The following MYO7B variants were observed in gnomAD, a reference collection of about 807,000 sequenced individuals.
The protein encoded by MYO7B is unconventional myosin-VIIb.
Under a neutral mutation model 259.7 loss-of-function variants are expected in MYO7B, and 212 were observed. The observed-to-expected ratio is 0.82, with a 90% confidence interval of 0.73 to 0.91. MYO7B has a LOEUF of 0.91. Ranked by LOEUF, MYO7B falls within the 40% of genes least tolerant of loss-of-function variation. The pLI is 0.00. For missense variants in MYO7B, 2,732 were observed against 2,813.5 expected (o/e 0.97, Z 0.66); for synonymous variants, 1,197 against 1,166.4 (o/e 1.03, Z -0.54).
Position 127,607,115 on chromosome 2 carries a change from C to T in MYO7B, c.2425-91C>T. 2 of 1,238,518 alleles carry T rather than the reference C, an allele frequency of 1.6e-6. No individual in the cohort carries two copies. Among genetic ancestry groups the T allele is most frequent in the Non-Finnish European group, 1.1e-6 (1 of 900,654 alleles). 76.7% of individuals were successfully genotyped at this position (1,238,518 alleles called of 1,614,324 possible). The stretch of plus-strand genomic sequence containing the variant: ...TGCCAAAACAAAACTAACTGTAAAT[C>T]TATCTTGCACTGCCTCCTGGGGAGC... On this transcript the variant is annotated intron_variant, in intron 20 of 47. Transcript: ENST00000409816. This position sits in a 1 kb window ranked among gnomAD's most constrained non-coding sequence, Gnocchi z 4.4.
rs546486443 is a variant in MYO7B at position 127,604,255 on chromosome 2, T to C, written c.2340-1589T>C. 7.9e-5 allele frequency among the ~76,000 whole-genome samples: 12 copies of C among 152,382 alleles called. No individual in the cohort carries two copies. The South Asian group carries it at 2.3e-3, about 29-fold the overall frequency. ...CTTGCTGCTTCACCTTGCACTTTTA[T>C]GTTATAGAAGTGGCTTCTTTCCTTA... On this transcript the variant is annotated intron_variant, in intron 19 of 47. Transcript: ENST00000409816.
At chr2:127,606,641 G>A (rs943113978) in intron 20 of MYO7B, among the ~76,000 whole-genome samples, 1 of 152,374 alleles carries the variant, frequency 6.6e-6, no homozygotes, top group Admixed American at 6.5e-5. Context: ...TTGGGGTTTA[G>A]ATGAGGGGCT....
chr2:127,626,889 C>A, intron 31 of MYO7B, 86 bp from the exon 32 acceptor site: 1 of 1,234,492 alleles, frequency 8.1e-7, no homozygotes, highest in South Asian at 1.4e-5. Flanking sequence ...TCAGAAGGAT[C>A]CATCAACTCT....
Position 127,607,260 on chromosome 2 carries a change from A to G in MYO7B, c.2479A>G (p.Arg827Gly), listed in dbSNP as rs1680191342. ...QAIARSQPLA[R>G]QYQAMRQRTV... is the part of the protein sequence containing the mutation. ...TATTGCCCGGAGCCAGCCGCTGGCG[A>G]GGCAGTACCAGGCCATGCGGCAGAG... Residue 827 changes from arginine (R) to glycine (G), a missense_variant, in exon 21 of 48, where the codon AGG becomes GGG. Transcript: ENST00000409816. This position sits in a 1 kb window ranked among gnomAD's most constrained non-coding sequence, Gnocchi z 4.4. The G allele has an allele frequency of 6.4e-7, 1 of 1,550,886 alleles. No individual in the cohort carries two copies. The highest frequency in any genetic ancestry group is 8.7e-7 in the Non-Finnish European group (1 of 1,147,018).
intron 37 of MYO7B, 92 bp downstream of exon 37, chr2:127,631,455 G>A (rs558687471): frequency 1.3e-6 from 2 of 1,543,602 alleles, no homozygotes; most frequent in African/African-American, 2.7e-5. Flanking sequence ...TCTAGGGCAG[G>A]AGAGCCCAGG....
intron 4 of MYO7B, among the ~76,000 whole-genome samples, chr2:127,565,894 G>C (rs1678318331): frequency 6.6e-6 from 1 of 152,236 alleles, no homozygotes; most frequent in Non-Finnish European, 1.5e-5. Context: ...TCCAGGGGAG[G>C]TGGTATTCCA....
chr2:127,543,509 T>C (rs142601891), intron 1 of MYO7B, among the ~76,000 whole-genome samples: 3,916 of 152,188 alleles, frequency 0.026, 59 homozygotes, highest in Non-Finnish European at 0.036. Flanking sequence ...TCTTTCTACA[T>C]AGACACAGTA....
At position 127,631,219 on chromosome 2, in the gene MYO7B, G is replaced by A. The variant is rs142758251; in HGVS notation, c.4951G>A (p.Asp1651Asn). The part of the protein sequence containing the change: ...SYEFFRAPEK[D>N]MVSMAVLPLA... ...CTAACCTCACAGGGCTCCAGAGAAG[G>A]ACATGGTGAGCATGGCCGTGCTGCC... Residue 1651 changes from aspartate to asparagine, a missense_variant, in exon 37 of 48, where the codon GAC becomes AAC. Transcript: ENST00000409816. 1.0e-3 allele frequency: 1,634 copies of A among 1,604,686 alleles called. 14 individuals carry two copies. The African/African-American group carries it at 0.018, about 18-fold the overall frequency.
rs532794430 is a variant in MYO7B, at chr2:127,576,234, C to T, written c.736-361C>T. On this transcript the variant is annotated intron_variant, in intron 7 of 47. Transcript: ENST00000409816. This position sits in a 1 kb window ranked among gnomAD's most constrained non-coding sequence, Gnocchi z 4.9. ...AAAATACTGAAGGCCTAGGGAGCCC[C>T]GTGGCTGTCAGATCTCTCGTGGGCC... Among the ~76,000 whole-genome samples, 1 of 152,124 alleles carries T rather than the reference C, an allele frequency of 6.6e-6. No individual in the cohort carries two copies. The highest frequency in any genetic ancestry group is 1.9e-4 in the East Asian group (1 of 5,178).
Position 127,624,169 on chromosome 2 carries a change from G to C in MYO7B, c.3896G>C (p.Gly1299Ala). Residue 1299 changes from glycine (G) to alanine (A), a missense_variant, in exon 30 of 48, where the codon GGC (glycine) becomes GCC (alanine). Physicochemically the swap from Gly to Ala is moderately conservative, Grantham distance 60. This residue lies in a region of MYO7B where 1,906 missense variants were observed against 2,026.4 expected (regional missense o/e 0.94). Transcript: ENST00000409816. ...ARCEQMAQER[G>A]ESQRQSPWRI... ...TGTGAGCAGATGGCCCAGGAGAGGG[G>C]CGAGAGCCAGCGCCAGTCACCCTGG... 6.3e-7 allele frequency: 1 copy of C among 1,596,504 alleles called. No homozygotes were observed.
At chr2:127,604,591 A>G (rs1214148071) in intron 19 of MYO7B, among the ~76,000 whole-genome samples, 2 of 152,216 alleles carry the variant, frequency 1.3e-5, no homozygotes, top group Admixed American at 6.5e-5. Context: ...GGCCTGTCTC[A>G]GTTTTGGACG....
Position 127,615,065 on chromosome 2 carries a change from A to G in MYO7B, c.3398+2462A>G, listed in dbSNP as rs1680518610. On this transcript the variant is annotated intron_variant, in intron 26 of 47. Transcript: ENST00000409816. This position sits in a 1 kb window ranked among gnomAD's most constrained non-coding sequence, Gnocchi z 4.4. ...ACATGGCTCTGTCCTGGAGGAGCTC[A>G]CCCTTTAGCTGGGGGGCACGAGAGG... 6.6e-6 allele frequency among the ~76,000 whole-genome samples: 1 copy of G among 151,972 alleles called. No individual in the cohort carries two copies. Among genetic ancestry groups the G allele is most frequent in the Non-Finnish European group, 1.5e-5 (1 of 67,978 alleles).
At chr2:127,596,952 G>A (rs190005904) in intron 19 of MYO7B, among the ~76,000 whole-genome samples, 1 of 152,352 alleles carries the variant, frequency 6.6e-6, no homozygotes, top group Non-Finnish European at 1.5e-5. Context: ...CGCTAGAGTT[G>A]TAATCCAGGA....
At position 127,593,065 on chromosome 2, in the gene MYO7B, G is replaced by A. The variant is rs949290592; in HGVS notation, c.2145+119G>A. 3 of 1,301,510 alleles carry A rather than the reference G, an allele frequency of 2.3e-6. No homozygotes were observed. In the East Asian group the frequency reaches 7.6e-5, roughly 33 times the overall value. The allele number at this position is 1,301,510 out of a possible 1,614,324, so 80.6% of individuals were successfully genotyped here. A position where few individuals can be genotyped will look rare whatever the true frequency, so the allele number is the denominator to read the frequency against. On this transcript the variant is annotated intron_variant, in intron 17 of 47. Transcript: ENST00000409816. ...CTGCCCTCCCCGGCCCCAGCCTTGC[G>A]ATGAGCCCTGTCCTTCCTCCCTCTC... is the stretch of plus-strand genomic sequence containing the variant.
intron 1 of MYO7B, among the ~76,000 whole-genome samples, chr2:127,537,241 T>C (rs954683780): frequency 1.2e-4 from 18 of 152,180 alleles, no homozygotes; most frequent in African/African-American, 4.1e-4. Flanking sequence ...GGAACTTCCT[T>C]ATCATGCCCG....
Position 127,585,004 on chromosome 2 carries a change from T to G in MYO7B, c.1690+91T>G, listed in dbSNP as rs765914067. 14 of 1,533,746 alleles carry G rather than the reference T, an allele frequency of 9.1e-6. No individual in the cohort carries two copies. The highest frequency in any genetic ancestry group is 1.2e-5 in the Non-Finnish European group (14 of 1,124,386). ...GCAGGCTCAGAGGATGAGGCTATTTTGCAGCTCTAGCAATGGGGCAGAGGG... is the reference window on the plus strand; with the variant it reads ...GCAGGCTCAGAGGATGAGGCTATTTGGCAGCTCTAGCAATGGGGCAGAGGG... On this transcript the variant is annotated intron_variant, in intron 14 of 47. Transcript: ENST00000409816. The surrounding 1 kb of genome is among the most constrained non-coding windows in gnomAD (Gnocchi z 4.3).
At position 127,627,818 on chromosome 2, in the gene MYO7B, C is replaced by T. The variant is rs1413626698; in HGVS notation, c.4460+508C>T. The T allele has an allele frequency of 2.2e-6, 1 of 457,796 alleles. No individual in the cohort carries two copies. The highest frequency in any genetic ancestry group is 2.0e-5 in the African/African-American group (1 of 50,116). The allele number at this position is 457,796 out of a possible 1,614,324, so 28.4% of individuals were successfully genotyped here. A position where few individuals can be genotyped will look rare whatever the true frequency, so the allele number is the denominator to read the frequency against. On this transcript the variant is annotated intron_variant, in intron 33 of 47. Coordinates refer to ENST00000409816, the MANE Select transcript of MYO7B (RefSeq NM_001393586.1). The surrounding 1 kb of genome is among the most constrained non-coding windows in gnomAD (Gnocchi z 5.6). ...TTCCATGCCCTTTGGGAAGTCCCAC[C>T]CAAGCCCTGCCAGAGCGCCCCTTGG...
rs1488437489 is a variant in MYO7B, at chr2:127,608,716, G to T, written c.2652G>T (p.Leu884=). ...CTCCACGGGGTATGCAGGCGCCGCT[G>T]GTCATCCCGGCCGAGGGGCAGAAAA... The part of the protein sequence containing the change: ...NFQQRKANAP[L]VIPAEGQKSQ... Residue 884 remains leucine, a synonymous_variant, in exon 22 of 48, where the codon CTG becomes CTT. Transcript: ENST00000409816. The T allele has an allele frequency of 2.5e-6, 4 of 1,611,808 alleles. No individual in the cohort carries two copies. In the South Asian group the frequency reaches 4.4e-5, roughly 18 times the overall value.
chr2:127,565,941 G>A (rs770042295), intron 4 of MYO7B, among the ~76,000 whole-genome samples: 1 of 152,372 alleles, frequency 6.6e-6, no homozygotes, highest in Non-Finnish European at 1.5e-5. Flanking sequence ...GGTGTGGCCT[G>A]CAGAAGCCAC....
Sources: gnomAD v4.1 joint callset for allele counts (sites outside exome capture counted in the v4.1 genomes callset) on GRCh38, gnomAD v4.1.1 for gene constraint, gnomAD v4.1.1 regional missense constraint, Gnocchi (gnomAD v3.1) non-coding constraint, MANE v1.5 for transcripts, NCBI Gene and HGNC (gene_info 2026-07-23, HGNC 2026-07-21) for gene names.